The following ATP11B variants were observed in gnomAD, a reference collection of about 807,000 sequenced individuals.
ATP11B encodes ATPase phospholipid transporting 11B (putative).
Under a neutral mutation model 157.8 loss-of-function variants are expected in ATP11B, and 81 were observed. That is an observed-to-expected ratio of 0.51 (90% CI 0.43 to 0.62). The LOEUF is 0.62. Among genes scored for constraint, ATP11B ranks in the 20% least tolerant of loss-of-function variants. ATP11B has a pLI of 0.00. For missense variants in ATP11B, 1,165 were observed against 1,402.2 expected (o/e 0.83, Z 2.70); for synonymous variants, 451 against 469.4 (o/e 0.96, Z 0.51).
chr3:182,844,192 G>T (rs1376468792), intron 8 of ATP11B: 5 of 152,124 alleles, frequency 3.3e-5, no homozygotes, highest in African/African-American at 1.2e-4. Context: ...TGAGCTAAAA[G>T]TATTTCTGTT....
At chr3:182,821,251 G>C (rs1717325185) in intron 2 of ATP11B, among the ~76,000 whole-genome samples, 1 of 152,114 alleles carries the variant, frequency 6.6e-6, no homozygotes, top group African/African-American at 2.4e-5. Flanking sequence ...TGGGATTACA[G>C]GTACCTGCTA....
At position 182,872,411 on chromosome 3, in the gene ATP11B, A is replaced by G. The variant is rs369245094; in HGVS notation, c.1922A>G (p.Glu641Gly). 1.2e-4 allele frequency: 187 copies of G among 1,613,798 alleles called. No homozygotes were observed. Among genetic ancestry groups the G allele is most frequent in the Non-Finnish European group, 1.6e-4 (184 of 1,179,824 alleles). The change falls in exon 18 of 30, where the codon GAG becomes GGG. Residue 641 changes from glutamate (E) to glycine (G), a missense_variant. Coordinates refer to ENST00000323116, the MANE Select transcript of ATP11B (RefSeq NM_014616.3). ...AGAAAATTTACATCAAAAGAGTATG[A>G]GGAAATAGATAAACGCATATTTGAA... The part of the protein sequence containing the change: ...AYRKFTSKEY[E>G]EIDKRIFEAR...
intron 2 of ATP11B, among the ~76,000 whole-genome samples, chr3:182,822,849 TGCATTTCTCTGATG>T (rs1336277008): frequency 5.3e-5 from 8 of 152,244 alleles, no homozygotes; most frequent in Admixed American, 1.3e-4. Context: ...GGTTTTGATT[TGCATTTCTCTGATG>T]GCCAGTGATG....
At chr3:182,851,631 G>A (rs1719985661) in intron 10 of ATP11B, among the ~76,000 whole-genome samples, 1 of 152,132 alleles carries the variant, frequency 6.6e-6, no homozygotes, top group African/African-American at 2.4e-5. Flanking sequence ...CTGACCTCTA[G>A]AGCTTCCATT....
intron 25 of ATP11B, among the ~76,000 whole-genome samples, chr3:182,894,612 T>C (rs1723403801): frequency 6.6e-6 from 1 of 152,218 alleles, no homozygotes; most frequent in Non-Finnish European, 1.5e-5. Flanking sequence ...TTGAAATACA[T>C]TACTTCGTAT....
intron 1 of ATP11B, 21 bp downstream of exon 1, chr3:182,793,807 A>G: frequency 7.4e-7 from 1 of 1,350,638 alleles, no homozygotes; most frequent in South Asian, 1.6e-5. Flanking sequence ...CCGCCCCTCC[A>G]CCTCCATTCG....
At chr3:182,916,438 T>C in intron 29 of ATP11B, 1 of 985,390 alleles carries the variant, frequency 1.0e-6, no homozygotes, top group Non-Finnish European at 1.2e-6. Flanking sequence ...GGCACAAAAA[T>C]TTGACTTACA....
chr3:182,885,257 A>G (rs1457793098), intron 22 of ATP11B, among the ~76,000 whole-genome samples: 1 of 152,146 alleles, frequency 6.6e-6, no homozygotes, highest in Non-Finnish European at 1.5e-5. Context: ...TGGAGCTTTT[A>G]TATGCATAAA....
At chr3:182,805,601 C>T (rs928263780) in intron 1 of ATP11B, among the ~76,000 whole-genome samples, 2 of 150,898 alleles carry the variant, frequency 1.3e-5, no homozygotes, top group East Asian at 1.9e-4. Context: ...ATTATAGGCG[C>T]GTGCTACCAG....
At chr3:182,856,268 T>C (rs1013184132) in intron 10 of ATP11B, among the ~76,000 whole-genome samples, 1 of 152,160 alleles carries the variant, frequency 6.6e-6, no homozygotes, top group Non-Finnish European at 1.5e-5. Context: ...AATTAGGTAA[T>C]AGGAGCTGTG....
chr3:182,904,101 G>T (rs1393447734), intron 28 of ATP11B, among the ~76,000 whole-genome samples: 1 of 152,166 alleles, frequency 6.6e-6, no homozygotes, highest in Admixed American at 6.5e-5. Flanking sequence ...CTCCAATCAG[G>T]TGGTGTAACA....
intron 1 of ATP11B, among the ~76,000 whole-genome samples, chr3:182,796,419 GGTAGCCATTAGCCACAA>G (rs1715602610): frequency 6.6e-6 from 1 of 152,100 alleles, no homozygotes; most frequent in Admixed American, 6.6e-5. Flanking sequence ...AGACCTGTAC[GGTAGCCATTAGCCACAA>G]GTGGCCATTA....
chr3:182,893,085 A>T (rs779681817), intron 25 of ATP11B, among the ~76,000 whole-genome samples: 6 of 152,272 alleles, frequency 3.9e-5, no homozygotes, highest in Non-Finnish European at 8.8e-5. Flanking sequence ...GGCTTGTCTT[A>T]ATAATACAGT....
chr3:182,906,729 C>T (rs978876913), intron 28 of ATP11B, among the ~76,000 whole-genome samples: 5 of 150,678 alleles, frequency 3.3e-5, no homozygotes, highest in Admixed American at 6.6e-5. Context: ...GGGATATAGG[C>T]GTGAACCCCC....
chr3:182,848,353 A>G (rs1719702142), intron 9 of ATP11B, 123 bp from the exon 10 acceptor site: 6 of 532,644 alleles, frequency 1.1e-5, no homozygotes, highest in Non-Finnish European at 1.7e-5. Flanking sequence ...ATACTTAAAG[A>G]AAAGCAAAAT....
At chr3:182,835,418 T>C (rs189907238) in intron 4 of ATP11B, among the ~76,000 whole-genome samples, 38 of 152,320 alleles carry the variant, frequency 2.5e-4, no homozygotes, top group African/African-American at 9.1e-4. Flanking sequence ...CAATAGAATT[T>C]AGTGATTGCA....
intron 1 of ATP11B, among the ~76,000 whole-genome samples, chr3:182,806,172 A>T (rs1421768012): frequency 6.6e-6 from 1 of 152,190 alleles, no homozygotes; most frequent in Non-Finnish European, 1.5e-5. Context: ...AGCTCTACGT[A>T]TTGGAGATAC....
chr3:182,794,176 G>T (rs113283908), intron 1 of ATP11B, among the ~76,000 whole-genome samples: 9 of 152,344 alleles, frequency 5.9e-5, no homozygotes, highest in Non-Finnish European at 2.9e-5. Flanking sequence ...TGAGAGAGGC[G>T]TGCTCTTCCT....
chr3:182,915,894 T>C (rs1186849938), intron 29 of ATP11B: 1 of 965,608 alleles, frequency 1.0e-6, no homozygotes, highest in African/African-American at 1.8e-5. Context: ...ATAAAATGTT[T>C]AACTTAGTAA....
Sources: allele counts gnomAD v4.1 joint callset (sites outside exome capture counted in the v4.1 genomes callset), GRCh38; gene constraint gnomAD v4.1.1; transcripts MANE v1.5; gene names NCBI Gene and HGNC (gene_info 2026-07-23, HGNC 2026-07-21).